Variants in XKR4 observed in about 807,000 individuals in gnomAD.
The protein encoded by XKR4 is XK related 4.
In XKR4, 12 loss-of-function variants were observed where a neutral mutation model predicts 53.9. The observed-to-expected ratio is 0.22, with a 90% CI of 0.14 to 0.36. The LOEUF is 0.36. XKR4 is among the 10% of genes least tolerant of loss of function. The pLI, the probability that XKR4 is intolerant of heterozygous loss-of-function variation, is 1.00. For synonymous variants in XKR4, 354 were observed against 362.4 expected (o/e 0.98, Z 0.26); for missense variants, 799 against 859.5 (o/e 0.93, Z 0.88).
intron 2 of XKR4, among the ~76,000 whole-genome samples, chr8:55,496,731 G>A (rs1231888223): frequency 6.6e-6 from 1 of 152,160 alleles, no homozygotes; most frequent in Non-Finnish European, 1.5e-5. Flanking sequence ...TCCTACAAGT[G>A]CACCTCAGAC....
chr8:55,450,058 C>G, intron 2 of XKR4: 1 of 765,412 alleles, frequency 1.3e-6, no homozygotes, highest in South Asian at 1.4e-5. Flanking sequence ...TCCATCTGGC[C>G]GGGCTTCAAG....
At chr8:55,153,787 C>G (rs1032535341) in intron 1 of XKR4, among the ~76,000 whole-genome samples, 1 of 152,208 alleles carries the variant, frequency 6.6e-6, no homozygotes, top group Admixed American at 6.5e-5. Context: ...CAAAGATTTC[C>G]TCTGCCACTA....
chr8:55,135,638 C>T (rs1563465204), intron 1 of XKR4: 1 of 456,164 alleles, frequency 2.2e-6, no homozygotes, highest in Middle Eastern at 3.3e-4. Context: ...CAGATGGCTC[C>T]CTGGATAGAG....
chr8:55,446,491 G>A (rs561805006), intron 2 of XKR4, among the ~76,000 whole-genome samples: 3 of 152,158 alleles, frequency 2.0e-5, no homozygotes, highest in East Asian at 1.9e-4. Context: ...ACAGGTGCAC[G>A]CCACCAGTCC....
At chr8:55,508,989 G>A (rs1292815423) in intron 2 of XKR4, among the ~76,000 whole-genome samples, 1 of 152,124 alleles carries the variant, frequency 6.6e-6, no homozygotes, top group Non-Finnish European at 1.5e-5. Flanking sequence ...ATAAACTTTT[G>A]GAACTGGAGA....
chr8:55,261,742 G>A (rs1015078754), intron 1 of XKR4, among the ~76,000 whole-genome samples: 10 of 152,144 alleles, frequency 6.6e-5, no homozygotes. Flanking sequence ...TAAATATCAC[G>A]TGAGTTCTCC....
intron 1 of XKR4, among the ~76,000 whole-genome samples, chr8:55,220,736 C>G (rs970295466): frequency 6.6e-6 from 1 of 152,244 alleles, no homozygotes; most frequent in African/African-American, 2.4e-5. Flanking sequence ...TCCCCAGAAG[C>G]TGAGCCCTCC....
intron 1 of XKR4, among the ~76,000 whole-genome samples, chr8:55,290,468 G>T (rs1393583661): frequency 6.6e-6 from 1 of 151,930 alleles, no homozygotes; most frequent in South Asian, 2.1e-4. Flanking sequence ...GGATATGCAG[G>T]TTTGTTACAT....
chr8:55,300,173 G>T (rs1819167672), intron 1 of XKR4, among the ~76,000 whole-genome samples: 1 of 152,144 alleles, frequency 6.6e-6, no homozygotes, highest in South Asian at 2.1e-4. Context: ...GTGCAGGAAA[G>T]GCATTGACAT....
chr8:55,187,082 A>G (rs942724110), intron 1 of XKR4, among the ~76,000 whole-genome samples: 1 of 152,066 alleles, frequency 6.6e-6, no homozygotes, highest in Admixed American at 6.6e-5. Flanking sequence ...ACAGTTTAGT[A>G]CAGGAACCCT....
In XKR4 at chr8:55,523,551, C is replaced by T. The variant is rs1374119394; in HGVS notation, c.1277C>T (p.Thr426Ile). 2 of 1,614,014 alleles carry T rather than the reference C, an allele frequency of 1.2e-6. No homozygotes were observed. The highest frequency in any genetic ancestry group is 2.2e-5 in the East Asian group (1 of 44,892). Residue 426 changes from threonine (T) to isoleucine (I), a missense_variant, in exon 3 of 3, where the codon ACC becomes ATC. Transcript: ENST00000327381. ...CACTGTGAGACAGAATTCTGTATCACCAAATGGGAAGAGATTGTGTTCGAC... is the reference window on the plus strand; with the variant it reads ...CACTGTGAGACAGAATTCTGTATCATCAAATGGGAAGAGATTGTGTTCGAC... ...IVHCETEFCI[T>I]KWEEIVFDMV...
At chr8:55,358,333 C>G (rs149309078) in intron 2 of XKR4, among the ~76,000 whole-genome samples, 252 of 147,944 alleles carry the variant, frequency 1.7e-3, no homozygotes, top group African/African-American at 6.0e-3. Context: ...GAGAGAGAGA[C>G]AATGAGAAAA....
At chr8:55,113,308 CTGTTAGCTAGTGGAAGAAAAATT>C in intron 1 of XKR4, among the ~76,000 whole-genome samples, 1 of 152,166 alleles carries the variant, frequency 6.6e-6, no homozygotes, top group Non-Finnish European at 1.5e-5. Context: ...AGGCATGCAT[CTGTTAGCTAGTGGAAGAAAAATT>C]TAGCCCTGAG....
At chr8:55,353,977 G>A (rs1803763112) in intron 1 of XKR4, among the ~76,000 whole-genome samples, 2 of 152,160 alleles carry the variant, frequency 1.3e-5, no homozygotes, top group South Asian at 4.1e-4. Flanking sequence ...TGCAAATATG[G>A]TGACAATGGC....
At chr8:55,197,903 T>C (rs1817526593) in intron 1 of XKR4, among the ~76,000 whole-genome samples, 1 of 152,168 alleles carries the variant, frequency 6.6e-6, no homozygotes, top group Non-Finnish European at 1.5e-5. Context: ...AAAATTACAG[T>C]AAAAAATTTT....
chr8:55,120,916 C>T (rs1816382359), intron 1 of XKR4, among the ~76,000 whole-genome samples: 1 of 152,180 alleles, frequency 6.6e-6, no homozygotes, highest in Non-Finnish European at 1.5e-5. Flanking sequence ...GGTGTTTTTA[C>T]TGTCTGAAGT....
intron 1 of XKR4, among the ~76,000 whole-genome samples, chr8:55,144,368 A>ATTTAC (rs1370046115): frequency 7.9e-5 from 12 of 152,016 alleles, no homozygotes. Context: ...AACAAAAAAA[A>ATTTAC]TTTACTTTAA....
intron 1 of XKR4, 115 bp downstream of exon 1, chr8:55,103,409 T>C: frequency 2.7e-6 from 4 of 1,455,960 alleles, no homozygotes; most frequent in Non-Finnish European, 3.6e-6. Context: ...AGTCACACTC[T>C]TCCAGTTTTT....
chr8:55,256,630 G>A (rs1818442397), intron 1 of XKR4, among the ~76,000 whole-genome samples: 1 of 152,184 alleles, frequency 6.6e-6, no homozygotes, highest in Admixed American at 6.5e-5. Context: ...GAATGCTGAT[G>A]GAGGAATGGG....
Sources: allele counts gnomAD v4.1 joint callset (sites outside exome capture counted in the v4.1 genomes callset), GRCh38; gene constraint gnomAD v4.1.1; transcripts MANE v1.5; gene names NCBI Gene and HGNC (gene_info 2026-07-23, HGNC 2026-07-21).